EFNA5: variants seen among roughly 807,000 people sequenced by gnomAD.
EFNA5 encodes ephrin-A5.
In EFNA5, 5 loss-of-function variants were observed where a neutral mutation model predicts 22.9. The observed-to-expected ratio is 0.22, with a 90% CI of 0.11 to 0.46. EFNA5 has a LOEUF of 0.46. Ranked by LOEUF, EFNA5 falls within the 20% of genes least tolerant of loss-of-function variation. The pLI is 0.99. For synonymous variants in EFNA5, 113 were observed against 112.2 expected (o/e 1.01, Z -0.04); for missense variants, 237 against 293.3 (o/e 0.81, Z 1.40).
At position 107,670,833 on chromosome 5, in the gene EFNA5, G is replaced by A. The variant is rs1021712358; in HGVS notation, c.-220C>T. ...AGGCGGTGGGATGGGGGGTGATAAA[G>A]ACAAACTCGCACCCCCACTGGAGGG... On this transcript the variant is annotated 5_prime_UTR_variant, in exon 1 of 5. Coordinates refer to ENST00000333274, the MANE Select transcript of EFNA5 (RefSeq NM_001962.3). The A allele has an allele frequency of 1.2e-5, 7 of 583,694 alleles. No individual in the cohort carries two copies. The East Asian group carries it at 1.5e-4, about 13-fold the overall frequency. 36.2% of individuals were successfully genotyped at this position (583,694 alleles called of 1,614,324 possible).
intron 1 of EFNA5, among the ~76,000 whole-genome samples, chr5:107,654,016 C>T (rs938020183): frequency 1.1e-4 from 17 of 152,154 alleles, no homozygotes; most frequent in African/African-American, 4.1e-4. Context: ...TTGTGATTAC[C>T]AAACCCCATG....
intron 1 of EFNA5, among the ~76,000 whole-genome samples, chr5:107,460,180 A>T (rs2112454905): frequency 6.6e-6 from 1 of 152,296 alleles, no homozygotes. Context: ...TTGGAATAAA[A>T]GCAGAACATA....
At chr5:107,565,671 T>C (rs1748650740) in intron 1 of EFNA5, among the ~76,000 whole-genome samples, 1 of 152,224 alleles carries the variant, frequency 6.6e-6, no homozygotes, top group Admixed American at 6.5e-5. Context: ...ATGCTAGGTA[T>C]ATATATTAAA....
At position 107,381,177 on chromosome 5, in the gene EFNA5, T is replaced by C; in HGVS notation, c.*78A>G. 10 of 1,517,646 alleles carry C rather than the reference T, an allele frequency of 6.6e-6. No homozygotes were observed. The South Asian group carries it at 1.1e-4, about 17-fold the overall frequency. The allele number at this position is 1,517,646 out of a possible 1,614,324, so 94.0% of individuals were successfully genotyped here. On this transcript the variant is annotated 3_prime_UTR_variant, in exon 5 of 5. Transcript: ENST00000333274. ...CAAAACCCAATAACAAGTCCCTTCTTAGGATGAGCAGTTAGGTGGATCTCT... is the reference window on the plus strand; with the variant it reads ...CAAAACCCAATAACAAGTCCCTTCTCAGGATGAGCAGTTAGGTGGATCTCT...
chr5:107,582,466 C>T (rs527661986), intron 1 of EFNA5, among the ~76,000 whole-genome samples: 3 of 152,218 alleles, frequency 2.0e-5, no homozygotes, highest in South Asian at 4.2e-4. Flanking sequence ...CCTGAAGATG[C>T]TAAAGACCTG....
At chr5:107,491,910 C>T (rs1746816215) in intron 1 of EFNA5, among the ~76,000 whole-genome samples, 1 of 152,158 alleles carries the variant, frequency 6.6e-6, no homozygotes, top group Non-Finnish European at 1.5e-5. Flanking sequence ...TCTCGGCTCA[C>T]TGCAACCTCC....
intron 1 of EFNA5, among the ~76,000 whole-genome samples, chr5:107,537,067 T>C (rs1363432533): frequency 2.7e-5 from 4 of 150,604 alleles, no homozygotes; most frequent in Non-Finnish European, 5.9e-5. Flanking sequence ...ATCGTGCCAC[T>C]GCACTCCAGC....
chr5:107,659,454 C>A (rs1290749264), intron 1 of EFNA5, among the ~76,000 whole-genome samples: 1 of 149,054 alleles, frequency 6.7e-6, no homozygotes, highest in Non-Finnish European at 1.5e-5. Context: ...CTTACCAAAT[C>A]TTCTATCCAA....
chr5:107,660,271 T>TATATAC (rs1750919488), intron 1 of EFNA5, among the ~76,000 whole-genome samples: 1 of 32,208 alleles, frequency 3.1e-5, no homozygotes, highest in Non-Finnish European at 5.7e-5. Context: ...CATATATATA[T>TATATAC]ATATATATAT....
intron 1 of EFNA5, among the ~76,000 whole-genome samples, chr5:107,648,264 GAT>G (rs141627162): frequency 0.015 from 2,281 of 152,198 alleles, 25 homozygotes; most frequent in Non-Finnish European, 0.022. Flanking sequence ...TCACATGAAA[GAT>G]ATGTATAAAA....
intron 1 of EFNA5, among the ~76,000 whole-genome samples, chr5:107,503,583 T>A (rs530102294): frequency 1.0e-3 from 155 of 152,330 alleles, no homozygotes; most frequent in African/African-American, 3.7e-3. Context: ...ATGGCTATGT[T>A]TCACTACTTA....
chr5:107,540,234 A>G (rs1748017089), intron 1 of EFNA5, among the ~76,000 whole-genome samples: 1 of 152,224 alleles, frequency 6.6e-6, no homozygotes, highest in Admixed American at 6.5e-5. Flanking sequence ...AATTATGCCC[A>G]TAACTAAAAT....
At chr5:107,385,889 G>A (rs1347780827) in intron 4 of EFNA5, among the ~76,000 whole-genome samples, 2 of 152,058 alleles carry the variant, frequency 1.3e-5, no homozygotes, top group African/African-American at 2.4e-5. Context: ...CTAAGACCTC[G>A]GAGAGCTCAT....
At chr5:107,518,580 C>CT (rs1446682562) in intron 1 of EFNA5, among the ~76,000 whole-genome samples, 5,167 of 92,630 alleles carry the variant, frequency 0.056, 273 homozygotes, top group African/African-American at 0.18. Flanking sequence ...GTACACCATG[C>CT]CAAAAAAAAA....
intron 1 of EFNA5, among the ~76,000 whole-genome samples, chr5:107,665,029 G>A (rs1751038468): frequency 6.6e-6 from 1 of 152,080 alleles, no homozygotes; most frequent in South Asian, 2.1e-4. Context: ...TAAGCCACTA[G>A]ACCAAATGCT....
intron 1 of EFNA5, among the ~76,000 whole-genome samples, chr5:107,478,748 AT>A (rs1171228664): frequency 1.3e-5 from 2 of 152,168 alleles, no homozygotes; most frequent in African/African-American, 4.8e-5. Flanking sequence ...ACCAATAGAA[AT>A]CCTGTAGTAT....
At chr5:107,442,098 C>A (rs1218235917) in intron 1 of EFNA5, among the ~76,000 whole-genome samples, 3 of 152,142 alleles carry the variant, frequency 2.0e-5, no homozygotes, top group African/African-American at 7.2e-5. Flanking sequence ...ATCCTAGACA[C>A]TACTGATGTT....
chr5:107,660,029 A>T (rs1750913188), intron 1 of EFNA5, among the ~76,000 whole-genome samples: 1 of 151,456 alleles, frequency 6.6e-6, no homozygotes, highest in Non-Finnish European at 1.5e-5. Flanking sequence ...CTCAACACAC[A>T]CCACCTCTGT....
intron 1 of EFNA5, among the ~76,000 whole-genome samples, chr5:107,565,862 G>A (rs970497164): frequency 6.6e-6 from 1 of 152,190 alleles, no homozygotes; most frequent in Admixed American, 6.5e-5. Context: ...GGAAGAAGAT[G>A]GAGGAGAAAA....
Sources: gnomAD v4.1 joint callset for allele counts (sites outside exome capture counted in the v4.1 genomes callset) on GRCh38, gnomAD v4.1.1 for gene constraint, MANE v1.5 for transcripts, NCBI Gene and HGNC (gene_info 2026-07-23, HGNC 2026-07-21) for gene names.